Variants in ASPRV1 observed in about 807,000 individuals in gnomAD.
The protein encoded by ASPRV1 is retroviral-like aspartic protease 1.
Under a neutral mutation model 11.0 loss-of-function variants are expected in ASPRV1, and 7 were observed. The ratio of observed to expected loss-of-function variants is 0.64; its 90% CI spans 0.36 to 1.20. ASPRV1 has a LOEUF of 1.20. Ranked by LOEUF, ASPRV1 falls within the 50% of genes most tolerant of loss-of-function variation. The pLI is 0.02. For synonymous variants in ASPRV1, 136 were observed against 138.4 expected (o/e 0.98, Z 0.12); for missense variants, 299 against 320.0 (o/e 0.93, Z 0.50).
the ASPRV1 span, chr2:70,056,281 T>C: frequency 2.0e-5 from 3 of 152,136 alleles, no homozygotes; most frequent in Non-Finnish European, 4.4e-5. Flanking sequence ...AAAATGTGAA[T>C]ATACCTAAGA....
chr2:70,070,160 C>G, the ASPRV1 span: 1 of 99,094 alleles, frequency 1.0e-5, no homozygotes, highest in African/African-American at 4.1e-5. Context: ...GACTGGGTAA[C>G]ATGAGCAAGA....
chr2:69,959,127 GC>G (rs1678004004), downstream of ASPRV1, among the ~76,000 whole-genome samples: 3 of 152,150 alleles, frequency 2.0e-5, no homozygotes, highest in Admixed American at 2.0e-4. Flanking sequence ...CTTCACTCCT[GC>G]CTTCTGTCTC....
chr2:69,967,492 G>A, the ASPRV1 span, among the ~76,000 whole-genome samples: 46 of 152,318 alleles, frequency 3.0e-4, no homozygotes, highest in Non-Finnish European at 5.4e-4. Context: ...CCATCTGAGC[G>A]GGGGATGTGG....
the ASPRV1 span, among the ~76,000 whole-genome samples, chr2:70,035,844 A>C: frequency 6.6e-6 from 1 of 151,694 alleles, no homozygotes; most frequent in Non-Finnish European, 1.5e-5. Flanking sequence ...AATTCCAAAA[A>C]TAAACAAACC....
chr2:69,997,207 G>A, the ASPRV1 span, among the ~76,000 whole-genome samples: 1 of 139,394 alleles, frequency 7.2e-6, no homozygotes, highest in African/African-American at 2.8e-5. Flanking sequence ...AAAAAAAAAT[G>A]GACGCAGGCC....
At chr2:70,016,978 A>G in the ASPRV1 span, among the ~76,000 whole-genome samples, 1 of 152,210 alleles carries the variant, frequency 6.6e-6, no homozygotes, top group African/African-American at 2.4e-5. Flanking sequence ...GAGGAAGGAC[A>G]AAAGCCCTAT....
the ASPRV1 span, chr2:70,051,209 TCA>T: frequency 6.6e-6 from 1 of 152,134 alleles, no homozygotes; most frequent in African/African-American, 2.4e-5. Context: ...TTACCTAAGG[TCA>T]CACAGTTAGT....
At chr2:70,002,909 A>G in the ASPRV1 span, 1 of 152,218 alleles carries the variant, frequency 6.6e-6, no homozygotes, top group Non-Finnish European at 1.5e-5. Flanking sequence ...CAAATCTACT[A>G]TCCAACCAGC....
the ASPRV1 span, among the ~76,000 whole-genome samples, chr2:69,985,733 C>T: frequency 6.6e-6 from 1 of 152,196 alleles, no homozygotes; most frequent in African/African-American, 2.4e-5. Flanking sequence ...AACTTTCTGG[C>T]GCCTGAGACC....
At chr2:70,038,547 T>C in the ASPRV1 span, among the ~76,000 whole-genome samples, 407 of 152,212 alleles carry the variant, frequency 2.7e-3, 6 homozygotes, top group South Asian at 0.015. Context: ...ATCATAGCAC[T>C]TCACTCCAGC....
chr2:70,080,666 C>T, the ASPRV1 span, among the ~76,000 whole-genome samples: 1 of 152,130 alleles, frequency 6.6e-6, no homozygotes, highest in Non-Finnish European at 1.5e-5. Flanking sequence ...AGAATTATTG[C>T]TATAAAATAA....
the ASPRV1 span, among the ~76,000 whole-genome samples, chr2:70,076,393 A>G: frequency 6.6e-6 from 1 of 152,246 alleles, no homozygotes; most frequent in African/African-American, 2.4e-5. Flanking sequence ...CATCTTTTAA[A>G]TGAGAATAAC....
the ASPRV1 span, among the ~76,000 whole-genome samples, chr2:70,048,010 G>C: frequency 2.7e-5 from 4 of 150,520 alleles, no homozygotes; most frequent in Non-Finnish European, 5.9e-5. Flanking sequence ...TCAGGAGGCT[G>C]AGGCAGGAGA....
At chr2:70,016,838 T>C in the ASPRV1 span, among the ~76,000 whole-genome samples, 1 of 148,964 alleles carries the variant, frequency 6.7e-6, no homozygotes, top group African/African-American at 2.5e-5. Context: ...GGCAACAGAG[T>C]GAAACTCTGT....
At chr2:69,985,795 G>T in the ASPRV1 span, among the ~76,000 whole-genome samples, 1 of 152,180 alleles carries the variant, frequency 6.6e-6, no homozygotes, top group African/African-American at 2.4e-5. Context: ...CTGTAGACGA[G>T]GTGGTGAAGA....
chr2:69,951,555 T>C, the ASPRV1 span, among the ~76,000 whole-genome samples: 1 of 148,194 alleles, frequency 6.7e-6, no homozygotes, highest in African/African-American at 2.5e-5. Flanking sequence ...CACATACATA[T>C]CATATATATA....
chr2:69,994,760 G>A, the ASPRV1 span, among the ~76,000 whole-genome samples: 2 of 152,148 alleles, frequency 1.3e-5, no homozygotes, highest in African/African-American at 4.8e-5. Context: ...CACTTTGGGA[G>A]GCCGAGGAGG....
chr2:70,070,352 C>G, the ASPRV1 span: 1 of 152,188 alleles, frequency 6.6e-6, no homozygotes, highest in African/African-American at 2.4e-5. Flanking sequence ...CACTGGAAAG[C>G]TACTTAGACT....
chr2:69,954,207 G>A, the ASPRV1 span, among the ~76,000 whole-genome samples: 72 of 152,278 alleles, frequency 4.7e-4, no homozygotes, highest in East Asian at 0.011. Context: ...AGAAGAAGCA[G>A]GGGCTCAGCT....
Sources: allele counts gnomAD v4.1 joint callset (sites outside exome capture counted in the v4.1 genomes callset), GRCh38; gene constraint gnomAD v4.1.1; transcripts MANE v1.5; gene names NCBI Gene and HGNC (gene_info 2026-07-23, HGNC 2026-07-21).